The following ST3GAL3 variants were observed in gnomAD, a reference collection of about 807,000 sequenced individuals.
ST3GAL3 encodes ST3 beta-galactoside alpha-2,3-sialyltransferase 3, also known as CMP-N-acetylneuraminate-beta-1,4-galactoside alpha-2,3-sialyltransferase.
A neutral mutation model predicts 50.1 loss-of-function variants in ST3GAL3; 21 were observed. That is an observed-to-expected ratio of 0.42 (90% CI 0.30 to 0.60). ST3GAL3 has a LOEUF of 0.60. Ranked by LOEUF, ST3GAL3 falls within the 20% of genes least tolerant of loss-of-function variation. The pLI is 0.19. For synonymous variants in ST3GAL3, 183 were observed against 190.0 expected (o/e 0.96, Z 0.30); for missense variants, 353 against 489.4 (o/e 0.72, Z 2.63).
chr1:43,917,129 A>G (rs935021529), intron 9 of ST3GAL3: 3 of 152,012 alleles, frequency 2.0e-5, no homozygotes, highest in African/African-American at 7.2e-5. Context: ...GGCTGTGCCA[A>G]ATTTACTCCT....
chr1:43,715,805 A>T (rs1667104088), intron 1 of ST3GAL3, among the ~76,000 whole-genome samples: 1 of 152,182 alleles, frequency 6.6e-6, no homozygotes, highest in Admixed American at 6.5e-5. Context: ...ACAATAACCC[A>T]CAAGCATGCA....
intron 5 of ST3GAL3, among the ~76,000 whole-genome samples, chr1:43,845,222 A>G (rs2066045594): frequency 6.6e-6 from 1 of 152,070 alleles, no homozygotes; most frequent in Non-Finnish European, 1.5e-5. Context: ...GCCTCCAGTG[A>G]TCTACTGGCC....
At chr1:43,860,857 C>G (rs1355806133) in intron 5 of ST3GAL3, among the ~76,000 whole-genome samples, 11 of 152,198 alleles carry the variant, frequency 7.2e-5, no homozygotes, top group African/African-American at 2.7e-4. Flanking sequence ...AATTTCAGAC[C>G]TTTTCTGAGG....
chr1:43,768,298 G>A (rs932031671), intron 2 of ST3GAL3, among the ~76,000 whole-genome samples: 1 of 151,914 alleles, frequency 6.6e-6, no homozygotes, highest in African/African-American at 2.4e-5. Context: ...AAATTAGCTG[G>A]GTGTGGTGGT....
intron 1 of ST3GAL3, among the ~76,000 whole-genome samples, chr1:43,728,783 C>A (rs553787608): frequency 6.6e-6 from 1 of 152,302 alleles, no homozygotes; most frequent in East Asian, 1.9e-4. Context: ...AATGTACACA[C>A]ACTATCCTCA....
intron 2 of ST3GAL3, among the ~76,000 whole-genome samples, chr1:43,778,228 G>A (rs1698022578): frequency 6.6e-6 from 1 of 152,192 alleles, no homozygotes; most frequent in African/African-American, 2.4e-5. Flanking sequence ...GCTGAACCAT[G>A]AGAACACATG....
rs1558110124 is a variant in ST3GAL3, at chr1:43,744,716, T to TAA, written c.118+8337_118+8338dup. 3.5e-5 allele frequency among the ~76,000 whole-genome samples: 5 copies of TAA among 143,646 alleles called. No homozygotes were observed. The East Asian group carries it at 1.1e-3, about 31-fold the overall frequency. The allele number at this position is 143,646 out of a possible 152,430, so 94.2% of individuals were successfully genotyped here. ...ATAAAATAAAAAATAAAATAAAATA[T>TAA]AATAGCCTGGCGTGGTGGTTTATGC... On this transcript the variant is annotated intron_variant, in intron 2 of 11. Transcript: ENST00000347631.
At chr1:43,746,929 AT>A (rs1020513202) in intron 2 of ST3GAL3, among the ~76,000 whole-genome samples, 3 of 147,836 alleles carry the variant, frequency 2.0e-5, no homozygotes, top group Admixed American at 1.4e-4. Flanking sequence ...TGCCTGACTA[AT>A]TTTTTTTGGT....
intron 3 of ST3GAL3, among the ~76,000 whole-genome samples, chr1:43,806,071 T>A (rs1269549086): frequency 6.6e-6 from 1 of 151,912 alleles, no homozygotes; most frequent in African/African-American, 2.4e-5. Context: ...CGAACTAGGG[T>A]CTAAAGAATG....
At chr1:43,851,468 A>T in intron 5 of ST3GAL3, 1 of 1,604,544 alleles carries the variant, frequency 6.2e-7, no homozygotes, top group Non-Finnish European at 8.5e-7. Context: ...TCTCCAGCTC[A>T]TGAGTAAAGT....
intron 3 of ST3GAL3, among the ~76,000 whole-genome samples, chr1:43,796,426 T>C (rs1398975544): frequency 6.6e-6 from 1 of 152,234 alleles, no homozygotes; most frequent in Admixed American, 6.5e-5. Flanking sequence ...TGTGCAGGTA[T>C]GCATCTGATT....
intron 3 of ST3GAL3, among the ~76,000 whole-genome samples, chr1:43,800,519 C>G (rs1368649663): frequency 1.3e-5 from 2 of 152,186 alleles, no homozygotes; most frequent in African/African-American, 4.8e-5. Flanking sequence ...AACTGTGCTG[C>G]TAATGTGAGG....
chr1:43,815,542 T>A (rs182048397), intron 4 of ST3GAL3, among the ~76,000 whole-genome samples: 11 of 152,310 alleles, frequency 7.2e-5, no homozygotes, highest in Non-Finnish European at 1.3e-4. Flanking sequence ...CACTATACTG[T>A]AATTGCATAA....
At chr1:43,731,494 C>T (rs1571657236) in intron 1 of ST3GAL3, among the ~76,000 whole-genome samples, 2 of 150,536 alleles carry the variant, frequency 1.3e-5, no homozygotes, top group Admixed American at 6.6e-5. Flanking sequence ...ACGCCATTCT[C>T]CTGCCTCAGC....
At chr1:43,851,480 A>C in intron 5 of ST3GAL3, 1 of 1,598,832 alleles carries the variant, frequency 6.3e-7, no homozygotes, top group Non-Finnish European at 8.6e-7. Flanking sequence ...GAGTAAAGTC[A>C]GTCCTGCCTT....
intron 1 of ST3GAL3, among the ~76,000 whole-genome samples, chr1:43,730,472 A>G (rs1367601402): frequency 6.6e-6 from 1 of 151,972 alleles, no homozygotes; most frequent in Non-Finnish European, 1.5e-5. Context: ...AGTTGTTCTC[A>G]GTGGGAAGTT....
chr1:43,713,231 T>C (rs996496485), intron 1 of ST3GAL3, among the ~76,000 whole-genome samples: 1 of 152,182 alleles, frequency 6.6e-6, no homozygotes, highest in African/African-American at 2.4e-5. Flanking sequence ...ATTTCAGTCA[T>C]AGCCTGGCCA....
chr1:43,879,585 G>A, intron 5 of ST3GAL3: 1 of 361,920 alleles, frequency 2.8e-6, no homozygotes, highest in Non-Finnish European at 5.5e-6. Flanking sequence ...AGGCAGCCAA[G>A]AAAAAGAGAT....
At chr1:43,844,668 C>T (rs545041675) in intron 5 of ST3GAL3, among the ~76,000 whole-genome samples, 21 of 152,004 alleles carry the variant, frequency 1.4e-4, no homozygotes, top group Non-Finnish European at 2.5e-4. Context: ...AAAAATTAGC[C>T]GGGCGTGGTG....
Sources: allele counts gnomAD v4.1 joint callset (sites outside exome capture counted in the v4.1 genomes callset), GRCh38; gene constraint gnomAD v4.1.1; transcripts MANE v1.5; gene names NCBI Gene and HGNC (gene_info 2026-07-23, HGNC 2026-07-21).